The following VWF variants were observed in gnomAD, a reference collection of about 807,000 sequenced individuals.
The protein encoded by VWF is Factor VIII related antigen.
A neutral mutation model predicts 308.6 loss-of-function variants in VWF; 176 were observed. The ratio of observed to expected loss-of-function variants is 0.57; its 90% CI spans 0.50 to 0.65. The LOEUF is 0.65. VWF is among the 30% of genes least tolerant of loss of function. The pLI, the probability that VWF is intolerant of heterozygous loss-of-function variation, is 0.00. For synonymous variants in VWF, 1,385 were observed against 1,443.4 expected (o/e 0.96, Z 0.92); for missense variants, 3,146 against 3,648.2 (o/e 0.86, Z 3.55).
In VWF at chr12:5,949,822, A is replaced by AC; in HGVS notation, c.8216dup (p.Cys2739TrpfsTer2). On this transcript the variant is annotated frameshift_variant, in exon 51 of 52. Transcript: ENST00000261405. LOFTEE classifies it high-confidence loss of function. ...GGATATCCACCTCTACTTCAGACTT[A>AC]CAGCTTCCCACCTTGACATACTGCA... 1 of 1,614,056 alleles carries AC rather than the reference A, an allele frequency of 6.2e-7. No homozygotes were observed. The highest frequency in any genetic ancestry group is 8.5e-7 in the Non-Finnish European group (1 of 1,180,022).
intron 21 of VWF, 123 bp from the exon 22 acceptor site, chr12:6,029,611 T>C (rs1591870518): frequency 2.3e-6 from 3 of 1,303,030 alleles, no homozygotes; most frequent in Admixed American, 2.0e-5. Context: ...CTGCCACCCC[T>C]CCAGGACCCC....
At chr12:5,949,307 G>T in intron 51 of VWF, 104 bp from the exon 52 acceptor site, 1 of 1,254,502 alleles carries the variant, frequency 8.0e-7, no homozygotes, top group Non-Finnish European at 1.1e-6. Context: ...CTCCAAGCAA[G>T]GCAGGTCTGA....
intron 17 of VWF, among the ~76,000 whole-genome samples, chr12:6,044,920 C>G (rs1308657345): frequency 6.6e-6 from 1 of 152,152 alleles, no homozygotes; most frequent in Non-Finnish European, 1.5e-5. Flanking sequence ...CGCGTCAGCC[C>G]CTGCCCAGCC....
At chr12:6,044,712 C>T (rs1324048608) in intron 17 of VWF, among the ~76,000 whole-genome samples, 10 of 152,208 alleles carry the variant, frequency 6.6e-5, no homozygotes, top group Admixed American at 6.5e-4. Flanking sequence ...TACTTGTCAT[C>T]ACCCTTAACC....
chr12:5,963,366 C>T (rs1056429675), intron 47 of VWF, among the ~76,000 whole-genome samples: 1 of 152,088 alleles, frequency 6.6e-6, no homozygotes, highest in African/African-American at 2.4e-5. Context: ...TAAGATGCTC[C>T]ACATCATTAG....
At chr12:6,102,410 C>T (rs1945174483) in intron 5 of VWF, among the ~76,000 whole-genome samples, 1 of 150,658 alleles carries the variant, frequency 6.6e-6, no homozygotes. Context: ...CTGCTGCACT[C>T]CAGACTGGGC....
intron 3 of VWF, among the ~76,000 whole-genome samples, chr12:6,118,444 A>G (rs925278906): frequency 7.6e-6 from 1 of 130,854 alleles, no homozygotes; most frequent in African/African-American, 2.9e-5. Flanking sequence ...CTGGAGTGCA[A>G]TGGCGCAATC....
rs186117029 is a variant in VWF at position 6,083,353 on chromosome 12, T to A, written c.658-7802A>T. On this transcript the variant is annotated intron_variant, in intron 6 of 51. Transcript: ENST00000261405. ...TTGGAGGCCAAAGTGGGCAGATCACTTGAGTCCAGGAGTTTGAGACCAGCA... is the reference window on the plus strand; with the variant it reads ...TTGGAGGCCAAAGTGGGCAGATCACATGAGTCCAGGAGTTTGAGACCAGCA... Among the ~76,000 whole-genome samples the A allele has an allele frequency of 3.7e-3, 565 of 152,254 alleles. 2 individuals carry two copies. Among genetic ancestry groups the A allele is most frequent in the Middle Eastern group, 0.027 (8 of 294 alleles).
chr12:6,022,493 TCGGCAGGGGCTG>T (rs1944139907), intron 26 of VWF, among the ~76,000 whole-genome samples: 1 of 151,004 alleles, frequency 6.6e-6, no homozygotes, highest in Non-Finnish European at 1.5e-5. Context: ...GAAAGTTCTA[TCGGCAGGGGCTG>T]CTTTAGGTGA....
chr12:5,985,098 T>C lies in VWF; in HGVS notation c.6923A>G (p.Glu2308Gly), dbSNP rs748199105. ...TGCATTCTGGCGGAGGCGGGCTACT[T>C]CACACAGGCCACACGTGGGAGCTAG... ...TAKAPTCGLC[E>G]VARLRQNADQ... Residue 2308 changes from glutamate to glycine, a missense_variant, in exon 40 of 52, where the codon GAA (glutamate) becomes GGA (glycine). Transcript: ENST00000261405. 4 of 1,614,006 alleles carry C rather than the reference T, an allele frequency of 2.5e-6. No homozygotes were observed. Among genetic ancestry groups the C allele is most frequent in the Admixed American group, 3.3e-5 (2 of 60,002 alleles).
chr12:6,103,411 C>CAT (rs1945196578), intron 5 of VWF, among the ~76,000 whole-genome samples: 4 of 99,586 alleles, frequency 4.0e-5, no homozygotes, highest in South Asian at 2.4e-4. Context: ...TGTGTGTATA[C>CAT]ACACGTGTGT....
Position 6,075,519 on chromosome 12 carries a change from G to A in VWF, c.690C>T (p.Ser230=). The change falls in exon 7 of 52, where the codon AGC becomes AGT. Residue 230 remains serine (S), a synonymous_variant. Coordinates refer to ENST00000261405, the MANE Select transcript of VWF (RefSeq NM_000552.5). The surrounding 1 kb of genome is among the most constrained non-coding windows in gnomAD (Gnocchi z 4.7). ...GLWEQCQLLK[S]TSVFARCHPL... is the part of the protein sequence containing the mutation. Reference sequence around the variant, plus strand: ...GGTGGCAGCGGGCAAACACCGAGGTGCTCTTCAGAAGCTGGCACTGCTCCC... The same window carrying A: ...GGTGGCAGCGGGCAAACACCGAGGTACTCTTCAGAAGCTGGCACTGCTCCC... 6.2e-7 allele frequency: 1 copy of A among 1,614,184 alleles called. No individual in the cohort carries two copies. Among genetic ancestry groups the A allele is most frequent in the Non-Finnish European group, 8.5e-7 (1 of 1,180,012 alleles).
At chr12:6,073,501 A>G in intron 8 of VWF, 118 bp downstream of exon 8, 2 of 1,433,780 alleles carry the variant, frequency 1.4e-6, no homozygotes, top group Admixed American at 1.7e-5. Context: ...TAAAAACTTA[A>G]TAAAAGGCTT....
At chr12:6,073,867 G>C in intron 7 of VWF, 126 bp from the exon 8 acceptor site, 1 of 1,463,368 alleles carries the variant, frequency 6.8e-7, no homozygotes, top group Non-Finnish European at 9.3e-7. Flanking sequence ...CAGGCTTCCA[G>C]GTCCTTCTCA....
At position 5,948,985 on chromosome 12, in the gene VWF, G is replaced by T. The variant is rs1943144756; in HGVS notation, c.*30C>A. ...CCTGGCCATCAGGCCAAGGCAGGCAGCAGCAGGCACCCATGCAGCTGCAGC... is the reference window on the plus strand; with the variant it reads ...CCTGGCCATCAGGCCAAGGCAGGCATCAGCAGGCACCCATGCAGCTGCAGC... On this transcript the variant is annotated 3_prime_UTR_variant, in exon 52 of 52. Coordinates refer to ENST00000261405, the MANE Select transcript of VWF (RefSeq NM_000552.5). This position sits in a 1 kb window ranked among gnomAD's most constrained non-coding sequence, Gnocchi z 4.4. 5.6e-6 allele frequency: 9 copies of T among 1,601,780 alleles called. No individual in the cohort carries two copies. Among genetic ancestry groups the T allele is most frequent in the Non-Finnish European group, 7.7e-6 (9 of 1,174,490 alleles).
At position 6,096,220 on chromosome 12, in the gene VWF, A is replaced by C. The variant is rs138018280; in HGVS notation, c.533-636T>G. Among the ~76,000 whole-genome samples, 15 of 152,160 alleles carry C rather than the reference A, an allele frequency of 9.9e-5. No individual in the cohort carries two copies. The East Asian group carries it at 2.1e-3, about 22-fold the overall frequency. ...GATGAGGAAATGCCCTTTCCCTGTC[A>C]CTTCTCCATGCCTTCATGTGCCTTT... On this transcript the variant is annotated intron_variant, in intron 5 of 51. Coordinates refer to ENST00000261405, the MANE Select transcript of VWF (RefSeq NM_000552.5).
At chr12:6,095,793 C>G in intron 5 of VWF, 2 of 626,438 alleles carry the variant, frequency 3.2e-6, no homozygotes, top group Non-Finnish European at 5.4e-6. Context: ...TTTGACTTGA[C>G]CCATCTCTGG....
intron 40 of VWF, among the ~76,000 whole-genome samples, chr12:5,983,908 A>G (rs924657637): frequency 2.0e-5 from 3 of 152,040 alleles, no homozygotes; most frequent in African/African-American, 7.2e-5. Context: ...AGGATAGATG[A>G]TAAATAGATA....
chr12:6,095,736 CA>C lies in VWF; in HGVS notation c.533-153del, dbSNP rs5796209. ...TGGCTATGTTTCCCAGGCTGGAGTG[CA>C]GCGGCTATTCACAAGTGCAATCCCA... On this transcript the variant is annotated intron_variant, in intron 5 of 51. Coordinates refer to ENST00000261405, the MANE Select transcript of VWF (RefSeq NM_000552.5). The C allele has an allele frequency of 0.62, 659,128 of 1,055,468 alleles. 212,827 individuals are homozygous for C. Among genetic ancestry groups the C allele is most frequent in the East Asian group, 0.74 (28,901 of 39,212 alleles). The allele number at this position is 1,055,468 out of a possible 1,614,324, so 65.4% of individuals were successfully genotyped here.
Sources: allele counts gnomAD v4.1 joint callset (sites outside exome capture counted in the v4.1 genomes callset), GRCh38; gene constraint gnomAD v4.1.1; non-coding constraint Gnocchi (gnomAD v3.1); transcripts MANE v1.5; gene names NCBI Gene and HGNC (gene_info 2026-07-23, HGNC 2026-07-21).